Variants in MYH7 observed in about 807,000 individuals in gnomAD.
MYH7 encodes the protein myosin heavy chain 7.
MYH7 carries 129 observed loss-of-function variants against 225.4 expected under a neutral mutation model. The ratio of observed to expected loss-of-function variants is 0.57; its 90% CI spans 0.50 to 0.66. MYH7 has a LOEUF of 0.66. Among genes scored for constraint, MYH7 ranks in the 30% least tolerant of loss-of-function variants. MYH7 has a pLI of 0.00. For missense variants in MYH7, 1,649 were observed against 2,517.0 expected, an observed-to-expected ratio of 0.66 and a Z score of 7.38; for synonymous variants, 971 against 1,007.6, an observed-to-expected ratio of 0.96 and a Z score of 0.69.
rs751747383 is a variant in MYH7, at chr14:23,416,096, C to T, written c.4861G>A (p.Asp1621Asn). 6.2e-7 allele frequency: 1 copy of T among 1,614,204 alleles called. No homozygotes were observed. The highest frequency in any genetic ancestry group is 8.5e-7 in the Non-Finnish European group (1 of 1,180,040). Residue 1621 changes from aspartate to asparagine, a missense_variant, in exon 34 of 40, where the codon GAC becomes AAC. Physicochemically the swap from Asp to Asn is conservative, Grantham distance 23. Coordinates refer to ENST00000355349, the MANE Select transcript of MYH7 (RefSeq NM_000257.4). ...AGCTGGATCTCCATCTCATTGAGGT[C>T]TCCTTCCATCTTCTTCTTCACCCTC... ...ALRVKKKMEG[D>N]LNEMEIQLSH...
Position 23,416,217 on chromosome 14 carries a change from G to T in MYH7, c.4740C>A (p.Asp1580Glu). 1 of 1,613,988 alleles carries T rather than the reference G, an allele frequency of 6.2e-7. No homozygotes were observed. The highest frequency in any genetic ancestry group is 1.1e-5 in the South Asian group (1 of 91,060). The change falls in exon 34 of 40, where the codon GAC becomes GAA. Residue 1580 changes from aspartate (D) to glutamate (E), a missense_variant. By Grantham distance (45) the Asp-to-Glu change is conservative (BLOSUM62 2). This residue lies in a region of MYH7 where 687 missense variants were observed against 913.8 expected (regional missense o/e 0.75). Coordinates refer to ENST00000355349, the MANE Select transcript of MYH7 (RefSeq NM_000257.4). ...TGCGCTTGGCCTGTTCCATCTCCTC[G>T]TCCTTCTCTGCCAGCTTCCGCTCGA... Reference protein sequence around the residue: ...AEIERKLAEKDEEMEQAKRNH... With the variant: ...AEIERKLAEKEEEMEQAKRNH...
At position 23,415,698 on chromosome 14, in the gene MYH7, C is replaced by G. The variant is rs373219734; in HGVS notation, c.5088G>C (p.Glu1696Asp). 5.1e-5 allele frequency: 83 copies of G among 1,614,082 alleles called. No individual in the cohort carries two copies. The highest frequency in any genetic ancestry group is 6.9e-5 in the Non-Finnish European group (82 of 1,180,056). Residue 1696 changes from glutamate (E) to aspartate (D), a missense_variant, in exon 35 of 40, where the codon GAG (glutamate) becomes GAC (aspartate). Physicochemically the swap from Glu to Asp is conservative, Grantham distance 45 (BLOSUM62 2). This residue lies in a region of MYH7 where 687 missense variants were observed against 913.8 expected (regional missense o/e 0.75). Transcript: ENST00000355349. The surrounding 1 kb of genome is among the most constrained non-coding windows in gnomAD (Gnocchi z 6.3). ...CCTGCTCCGCCAGCTTCCGGGACCG[C>G]TCTGTCTGCTCCACCACGGCACGCA... ...EELRAVVEQT[E>D]RSRKLAEQEL...
At chr14:23,412,995 C>T (rs1892035759) in intron 39 of MYH7, 124 bp from the exon 40 acceptor site, 8 of 943,624 alleles carry the variant, frequency 8.5e-6, no homozygotes, top group Non-Finnish European at 1.3e-5. Context: ...AGGTGGAAGC[C>T]CCTGTGGCAG....
intron 39 of MYH7, among the ~76,000 whole-genome samples, 168 bp from the exon 40 acceptor site, chr14:23,413,039 G>A (rs1476407190): frequency 6.6e-6 from 1 of 152,166 alleles, no homozygotes; most frequent in African/African-American, 2.4e-5. Flanking sequence ...GATGTTCGGG[G>A]GGCAAGTTCT....
At chr14:23,420,287 C>T (rs1892425601) in intron 26 of MYH7, 53 bp from the exon 27 acceptor site, 6 of 1,588,412 alleles carry the variant, frequency 3.8e-6, no homozygotes, top group East Asian at 2.3e-5. Flanking sequence ...CCACTGGAAT[C>T]CCCCCGGCTC....
intron 4 of MYH7, 106 bp from the exon 5 acceptor site, chr14:23,432,901 C>T (rs998592300): frequency 3.3e-6 from 5 of 1,531,276 alleles, no homozygotes; most frequent in African/African-American, 1.4e-5. Flanking sequence ...AAAGGAAAAC[C>T]TCTGCATGCA....
In MYH7 at chr14:23,427,248, G is replaced by T. The variant is rs1892728965; in HGVS notation, c.1948C>A (p.Leu650Met). 1 of 1,613,796 alleles carries T rather than the reference G, an allele frequency of 6.2e-7. No individual in the cohort carries two copies. Among genetic ancestry groups the T allele is most frequent in the Admixed American group, 1.7e-5 (1 of 60,012 alleles). Residue 650 changes from leucine to methionine, a missense_variant, in exon 17 of 40, where the codon CTG becomes ATG. Transcript: ENST00000355349. The stretch of plus-strand genomic sequence containing the variant: ...GGCTGTGTCCCACTCACCCTGTGCA[G>T]AGCTGACACAGTCTGAAAGGACGAG... ...KGSSFQTVSALHRENLNKLMT... is the reference protein window; with the variant it reads ...KGSSFQTVSAMHRENLNKLMT...
At chr14:23,420,272 C>T (rs1321572218) in intron 26 of MYH7, 38 bp from the exon 27 acceptor site, 15 of 1,601,190 alleles carry the variant, frequency 9.4e-6, no homozygotes, top group Non-Finnish European at 1.1e-5. Context: ...ACCGCCTGGA[C>T]CCCTCCACTG....
At position 23,432,479 on chromosome 14, in the gene MYH7, G is replaced by A. The variant is rs752930302; in HGVS notation, c.530C>T (p.Thr177Ile). 6 of 1,614,148 alleles carry A rather than the reference G, an allele frequency of 3.7e-6. No homozygotes were observed. The highest frequency in any genetic ancestry group is 3.3e-5 in the South Asian group (3 of 91,082). The part of the protein sequence containing the change: ...TDRENQSILI[T>I]GESGAGKTVN... ...GGAATACAGTAGCAGCTACACTCAC[G>A]TGATCAGGATGGACTGGTTTTCTCT... The change falls in exon 6 of 40, where the codon ACC becomes ATC. Residue 177 changes from threonine (T) to isoleucine (I), a missense_variant and splice_region_variant. By Grantham distance (89) the Thr-to-Ile change is moderately conservative (BLOSUM62 -1). Transcript: ENST00000355349.
Position 23,426,029 on chromosome 14 carries a change from C to T in MYH7, c.2097G>A (p.Leu699=), listed in dbSNP as rs1892684330. Residue 699 remains leucine, a synonymous_variant, in exon 19 of 40, where the codon CTG becomes CTA. Transcript: ENST00000355349. The part of the protein sequence containing the change: ...VMHQLRCNGV[L]EGIRICRKGF... ...CTTTCCTGCAGATGCGGATGCCCTC[C>T]AGCACACCATTGCAGCGCAGCTGGT... 6.2e-7 allele frequency: 1 copy of T among 1,614,108 alleles called. No individual in the cohort carries two copies. Among genetic ancestry groups the T allele is most frequent in the South Asian group, 1.1e-5 (1 of 91,082 alleles).
Position 23,423,981 on chromosome 14 carries a change from G to A in MYH7, c.2848C>T (p.Leu950Phe). The A allele has an allele frequency of 6.2e-7, 1 of 1,614,194 alleles. No homozygotes were observed. The highest frequency in any genetic ancestry group is 1.3e-5 in the African/African-American group (1 of 75,038). The stretch of plus-strand genomic sequence containing the variant: ...TCCAGATCATCGATGTCCCTTTTGA[G>A]CTCTGAGCACTCATCTTCCAGCTTG... ...KRKLEDECSE[L>F]KRDIDDLELT... Residue 950 changes from leucine (L) to phenylalanine (F), a missense_variant, in exon 23 of 40, where the codon CTC (leucine) becomes TTC (phenylalanine). Leu to Phe is a conservative substitution (Grantham distance 22, BLOSUM62 0). Around this residue, in one of 12 missense-constraint regions of MYH7, gnomAD observed 282 missense variants for 315.3 expected, o/e 0.89. Coordinates refer to ENST00000355349, the MANE Select transcript of MYH7 (RefSeq NM_000257.4).
Position 23,415,718 on chromosome 14 carries a change from C to A in MYH7, c.5068G>T (p.Ala1690Ser). Residue 1690 changes from alanine to serine, a missense_variant, in exon 35 of 40, where the codon GCC (alanine) becomes TCC (serine). Around this residue, in one of 12 missense-constraint regions of MYH7, gnomAD observed 687 missense variants for 913.8 expected, o/e 0.75. Coordinates refer to ENST00000355349, the MANE Select transcript of MYH7 (RefSeq NM_000257.4). This position sits in a 1 kb window ranked among gnomAD's most constrained non-coding sequence, Gnocchi z 6.3. ...GACCGCTCTGTCTGCTCCACCACGG[C>A]ACGCAACTCCTCCAGCTCAGCCTGC... Reference protein sequence around the residue: ...LLQAELEELRAVVEQTERSRK... With the variant: ...LLQAELEELRSVVEQTERSRK... 6.2e-7 allele frequency: 1 copy of A among 1,614,192 alleles called. No individual in the cohort carries two copies. Among genetic ancestry groups the A allele is most frequent in the Non-Finnish European group, 8.5e-7 (1 of 1,180,042 alleles).
chr14:23,433,666 G>A lies in MYH7; in HGVS notation c.67C>T (p.Arg23Trp), dbSNP rs730880828. Residue 23 changes from arginine to tryptophan, a missense_variant, in exon 3 of 40, where the codon CGG becomes TGG. Arg to Trp is a moderately radical substitution (Grantham distance 101, BLOSUM62 -3). Around this residue, in one of 12 missense-constraint regions of MYH7, gnomAD observed 91 missense variants for 96.5 expected, o/e 0.94. Transcript: ENST00000355349. This position sits in a 1 kb window ranked among gnomAD's most constrained non-coding sequence, Gnocchi z 4.1. ...APYLRKSEKE[R>W]LEAQTRPFDL... is the part of the protein sequence containing the mutation. The stretch of plus-strand genomic sequence containing the variant: ...AAAGGCCTGGTCTGCGCTTCTAGCC[G>A]CTCCTTCTCTGACTTGCGCAGGTAG... The A allele has an allele frequency of 3.3e-5, 54 of 1,614,132 alleles. No individual in the cohort carries two copies. The highest frequency in any genetic ancestry group is 5.3e-5 in the African/African-American group (4 of 74,946).
Position 23,419,585 on chromosome 14 carries a change from TC to T in MYH7, c.3750del (p.Thr1251ProfsTer6). 6.2e-7 allele frequency: 1 copy of T among 1,613,458 alleles called. No individual in the cohort carries two copies. Among genetic ancestry groups the T allele is most frequent in the Non-Finnish European group, 8.5e-7 (1 of 1,179,930 alleles). ...TGCTCATTCATCTGGTCTTCCAAGGTCCGGCACATCTTCTCCAGGTTAGCCT... is the reference window on the plus strand; with the variant it reads ...TGCTCATTCATCTGGTCTTCCAAGGTCGGCACATCTTCTCCAGGTTAGCCT... Reference protein sequence around the residue: ...KAKANLEKMCRTLEDQMNEHR... With the variant: ...KAKANLEKMCXTLEDQMNEHR... On this transcript the variant is annotated frameshift_variant, in exon 28 of 40. Coordinates refer to ENST00000355349, the MANE Select transcript of MYH7 (RefSeq NM_000257.4). LOFTEE classifies it high-confidence loss of function.
chr14:23,418,075 G>T, intron 30 of MYH7, 135 bp downstream of exon 30: 2 of 1,315,468 alleles, frequency 1.5e-6, no homozygotes, highest in Non-Finnish European at 2.2e-6. Context: ...GAAGGAGGTG[G>T]GGCCGGGGCA....
chr14:23,432,385 C>G (rs757983385), intron 6 of MYH7, 94 bp downstream of exon 6: 327 of 1,513,806 alleles, frequency 2.2e-4, no homozygotes, highest in Non-Finnish European at 2.9e-4. Flanking sequence ...GGGAAAGAGG[C>G]TGAGTCTATG....
At position 23,420,970 on chromosome 14, in the gene MYH7, G is replaced by C. The variant is rs933857323; in HGVS notation, c.3324C>G (p.Leu1108=). The part of the protein sequence containing the change: ...QALGSQLQKK[L]KELQARIEEL... ...GTCCAGACCTCACCTGAAGCTCCTT[G>C]AGCTTCTTCTGCAGCTGGCTGCCGA... The change falls in exon 26 of 40, where the codon CTC becomes CTG. Residue 1108 remains leucine (L), a synonymous_variant. Transcript: ENST00000355349. The C allele has an allele frequency of 1.2e-6, 2 of 1,612,120 alleles. No individual in the cohort carries two copies. Among genetic ancestry groups the C allele is most frequent in the Non-Finnish European group, 1.7e-6 (2 of 1,179,958 alleles).
chr14:23,425,169 C>A lies in MYH7; in HGVS notation c.2423+113G>T, dbSNP rs1215142621. 1 of 1,597,162 alleles carries A rather than the reference C, an allele frequency of 6.3e-7. No individual in the cohort carries two copies. Among genetic ancestry groups the A allele is most frequent in the Admixed American group, 1.7e-5 (1 of 59,554 alleles). ...TGTGACTGCAGTGTGTTCATATGAG[C>A]CCCTCCTGCAGGTCTCTGTGTTTGA... is the stretch of plus-strand genomic sequence containing the variant. On this transcript the variant is annotated intron_variant, in intron 21 of 39. Coordinates refer to ENST00000355349, the MANE Select transcript of MYH7 (RefSeq NM_000257.4). The surrounding 1 kb of genome is among the most constrained non-coding windows in gnomAD (Gnocchi z 4.6).
chr14:23,434,123 A>G, intron 2 of MYH7, 71 bp downstream of exon 2: 1 of 964,022 alleles, frequency 1.0e-6, no homozygotes, highest in Non-Finnish European at 1.3e-6. Flanking sequence ...CTAGAGTTCC[A>G]TAGGCTGGCT....
Sources: gnomAD v4.1 joint callset for allele counts (sites outside exome capture counted in the v4.1 genomes callset) on GRCh38, gnomAD v4.1.1 for gene constraint, gnomAD v4.1.1 regional missense constraint, Gnocchi (gnomAD v3.1) non-coding constraint, MANE v1.5 for transcripts, NCBI Gene and HGNC (gene_info 2026-07-23, HGNC 2026-07-21) for gene names.